Variants in STK33 observed in about 807,000 individuals in gnomAD.
STK33 encodes the protein serine/threonine kinase 33.
Under a neutral mutation model 58.0 loss-of-function variants are expected in STK33, and 52 were observed. The observed-to-expected ratio is 0.90, with a 90% CI of 0.72 to 1.13. The LOEUF is 1.13. STK33 is among the 50% of genes most tolerant of loss of function. The pLI is 0.00. For synonymous variants in STK33, 215 were observed against 200.1 expected, an observed-to-expected ratio of 1.07 and a Z score of -0.63; for missense variants, 630 against 604.2, an observed-to-expected ratio of 1.04 and a Z score of -0.45.
chr11:8,573,894 CA>C (rs2081751596), intron 1 of STK33, among the ~76,000 whole-genome samples: 1 of 152,042 alleles, frequency 6.6e-6, no homozygotes, highest in Admixed American at 6.6e-5. Context: ...AATCTGTTTC[CA>C]GGGGTTACAG....
intron 1 of STK33, among the ~76,000 whole-genome samples, chr11:8,484,892 TTAG>T (rs1266751703): frequency 2.0e-5 from 3 of 152,172 alleles, no homozygotes; most frequent in Non-Finnish European, 4.4e-5. Context: ...AGGCATGTTA[TTAG>T]TAGATTATAC....
chr11:8,372,868 A>T, the STK33 span, among the ~76,000 whole-genome samples: 1 of 152,220 alleles, frequency 6.6e-6, no homozygotes, highest in Non-Finnish European at 1.5e-5. Flanking sequence ...GCCACTGACC[A>T]GCCTCTCTGA....
chr11:8,489,261 A>T (rs986957441), intron 1 of STK33, among the ~76,000 whole-genome samples: 1 of 105,822 alleles, frequency 9.4e-6, no homozygotes, highest in Non-Finnish European at 1.9e-5. Context: ...TATCTCCAAA[A>T]AAAAAAAAAA....
chr11:8,438,804 TAA>T (rs1460080673), intron 12 of STK33, among the ~76,000 whole-genome samples: 1 of 152,232 alleles, frequency 6.6e-6, no homozygotes, highest in Non-Finnish European at 1.5e-5. Context: ...AAGACTAATT[TAA>T]AAGTTATATT....
intron 1 of STK33, among the ~76,000 whole-genome samples, chr11:8,504,373 A>T (rs1241954305): frequency 6.6e-6 from 1 of 152,236 alleles, no homozygotes; most frequent in Non-Finnish European, 1.5e-5. Context: ...CAACACCCTA[A>T]GCAGCATTTC....
chr11:8,461,655 G>T, intron 8 of STK33, 150 bp downstream of exon 8: 1 of 470,442 alleles, frequency 2.1e-6, no homozygotes, highest in Middle Eastern at 3.1e-4. Context: ...AATAATAAAA[G>T]TCCTCCAGAA....
chr11:8,424,284 C>T (rs1344775457), intron 14 of STK33, among the ~76,000 whole-genome samples: 5 of 150,388 alleles, frequency 3.3e-5, no homozygotes, highest in African/African-American at 4.9e-5. Context: ...TGATGGTTTC[C>T]AGCTTCATCC....
chr11:8,522,697 GA>G (rs1565265191), intron 1 of STK33, among the ~76,000 whole-genome samples: 1 of 152,180 alleles, frequency 6.6e-6, no homozygotes, highest in African/African-American at 2.4e-5. Flanking sequence ...GCACCACAAT[GA>G]AAGCAGTCAG....
intron 1 of STK33, among the ~76,000 whole-genome samples, chr11:8,482,939 G>C (rs530909506): frequency 5.9e-5 from 9 of 151,942 alleles, no homozygotes; most frequent in African/African-American, 1.9e-4. Context: ...CACCATGTTA[G>C]CCAGGATGGT....
chr11:8,524,906 T>C (rs560314858), intron 1 of STK33, among the ~76,000 whole-genome samples: 1 of 151,986 alleles, frequency 6.6e-6, no homozygotes, highest in Non-Finnish European at 1.5e-5. Flanking sequence ...GGGATAGATA[T>C]GTTTATAGCA....
chr11:8,565,685 A>G (rs990385957), intron 1 of STK33: 12 of 152,234 alleles, frequency 7.9e-5, no homozygotes, highest in African/African-American at 2.7e-4. Flanking sequence ...AGGGATAGGT[A>G]CCATTAGAAA....
chr11:8,527,082 C>G (rs1954106486), intron 1 of STK33, among the ~76,000 whole-genome samples: 1 of 151,334 alleles, frequency 6.6e-6, no homozygotes, highest in African/African-American at 2.4e-5. Context: ...TGCAATTCTC[C>G]TGCCTCAGCC....
At chr11:8,535,474 A>G (rs1054506837) in intron 1 of STK33, among the ~76,000 whole-genome samples, 5 of 152,158 alleles carry the variant, frequency 3.3e-5, no homozygotes, top group Non-Finnish European at 7.4e-5. Flanking sequence ...TGGCCAACAC[A>G]TGTGAAAAAA....
intron 1 of STK33, among the ~76,000 whole-genome samples, chr11:8,578,960 G>A (rs1038669141): frequency 6.6e-6 from 1 of 151,656 alleles, no homozygotes; most frequent in Admixed American, 6.6e-5. Context: ...AAAACAATCA[G>A]GTATATAAAA....
chr11:8,484,833 G>A (rs1950090004), intron 1 of STK33, among the ~76,000 whole-genome samples: 1 of 152,132 alleles, frequency 6.6e-6, no homozygotes, highest in Non-Finnish European at 1.5e-5. Flanking sequence ...AAAATCGATA[G>A]AGCACATCAA....
intron 1 of STK33, among the ~76,000 whole-genome samples, chr11:8,506,488 G>C (rs1281601309): frequency 6.6e-6 from 1 of 152,064 alleles, no homozygotes; most frequent in Non-Finnish European, 1.5e-5. Context: ...AGGTGTCAGC[G>C]GGGCTGCATT....
intron 1 of STK33, chr11:8,580,800 G>T (rs10743078): frequency 6.6e-6 from 1 of 151,732 alleles, no homozygotes; most frequent in Non-Finnish European, 1.5e-5. Context: ...AAAAGAAAAC[G>T]TTGTTCACAG....
chr11:8,522,487 A>C (rs992259428), intron 1 of STK33, among the ~76,000 whole-genome samples: 5 of 151,844 alleles, frequency 3.3e-5, no homozygotes, highest in Non-Finnish European at 7.4e-5. Context: ...AAAAAGAATG[A>C]AATTGGATCT....
the STK33 span, among the ~76,000 whole-genome samples, chr11:8,370,970 G>A: frequency 1.9e-3 from 297 of 152,308 alleles, 1 homozygote; most frequent in African/African-American, 6.6e-3. Context: ...GTTGTGGAAG[G>A]AGCGGGGCTG....
Sources: gnomAD v4.1 joint callset for allele counts (sites outside exome capture counted in the v4.1 genomes callset) on GRCh38, gnomAD v4.1.1 for gene constraint, MANE v1.5 for transcripts, NCBI Gene and HGNC (gene_info 2026-07-23, HGNC 2026-07-21) for gene names.